Variants in VSTM2A observed in about 807,000 individuals in gnomAD.
VSTM2A encodes the protein V-set and transmembrane domain-containing protein 2A.
In VSTM2A, 13 loss-of-function variants were observed where a neutral mutation model predicts 27.3. That is an observed-to-expected ratio of 0.48 (90% CI 0.31 to 0.76). VSTM2A has a LOEUF of 0.76. Among genes scored for constraint, VSTM2A ranks in the 30% least tolerant of loss-of-function variants. VSTM2A has a pLI of 0.05. For missense variants in VSTM2A, 280 were observed against 310.0 expected, an observed-to-expected ratio of 0.90 and a Z score of 0.73; for synonymous variants, 142 against 125.7, an observed-to-expected ratio of 1.13 and a Z score of -0.87.
intron 4 of VSTM2A, among the ~76,000 whole-genome samples, chr7:54,556,225 G>A (rs754880085): frequency 6.6e-6 from 1 of 152,222 alleles, no homozygotes; most frequent in Non-Finnish European, 1.5e-5. Flanking sequence ...TGGCTGCAGT[G>A]AAGGTGGTAC....
Position 54,570,287 on chromosome 7 carries a change from G to A in VSTM2A, c.*1068G>A, listed in dbSNP as rs1017053447. 3.3e-5 allele frequency: 5 copies of A among 152,140 alleles called. No individual in the cohort carries two copies. Among genetic ancestry groups the A allele is most frequent in the Non-Finnish European group, 4.4e-5 (3 of 68,004 alleles). 9.4% of individuals were successfully genotyped at this position (152,140 alleles called of 1,614,324 possible). On this transcript the variant is annotated 3_prime_UTR_variant, in exon 5 of 5. Coordinates refer to ENST00000402613, the MANE Select transcript of VSTM2A (RefSeq NM_001301009.2). ...ATTATCATTATAATCTTGTCAAATA[G>A]AAATGTTGCTTCTAGAAAATTTGCC... is the stretch of plus-strand genomic sequence containing the variant.
chr7:54,557,049 G>C (rs1788384299), intron 4 of VSTM2A: 1 of 152,224 alleles, frequency 6.6e-6, no homozygotes, highest in Non-Finnish European at 1.5e-5. Context: ...GCTTCACTCT[G>C]TTGGTCACAA....
At chr7:54,555,424 A>G (rs1265744624) in intron 4 of VSTM2A, among the ~76,000 whole-genome samples, 3 of 152,136 alleles carry the variant, frequency 2.0e-5, no homozygotes, top group Admixed American at 6.5e-5. Flanking sequence ...GTTTTCAGAT[A>G]TTTTGTTACC....
In VSTM2A at chr7:54,570,869, A is replaced by G. The variant is rs752855644; in HGVS notation, c.*1650A>G. The G allele has an allele frequency of 9.2e-5, 14 of 152,288 alleles. No homozygotes were observed. The highest frequency in any genetic ancestry group is 5.8e-4 in the East Asian group (3 of 5,168). The allele number at this position is 152,288 out of a possible 1,614,324, so 9.4% of individuals were successfully genotyped here. A position where few individuals can be genotyped will look rare whatever the true frequency, so the allele number is the denominator to read the frequency against. On this transcript the variant is annotated 3_prime_UTR_variant, in exon 5 of 5. Transcript: ENST00000402613. The stretch of plus-strand genomic sequence containing the variant: ...TCCTATAACCCGAAGCTTGAAGGCA[A>G]TCAGTACCTCTGCTTTTCAAAGGTA...
chr7:54,546,745 C>G, intron 2 of VSTM2A: 1 of 556,228 alleles, frequency 1.8e-6, no homozygotes, highest in Admixed American at 3.8e-5. Flanking sequence ...GTGGGGTATG[C>G]CAGGGACAGC....
chr7:54,561,429 T>C (rs1179941084), intron 4 of VSTM2A, among the ~76,000 whole-genome samples: 1 of 152,164 alleles, frequency 6.6e-6, no homozygotes, highest in Non-Finnish European at 1.5e-5. Flanking sequence ...TCAGAAAAGA[T>C]TAAAAAACAG....
intron 4 of VSTM2A, chr7:54,559,892 A>G (rs1267671377): frequency 6.6e-6 from 1 of 152,188 alleles, no homozygotes; most frequent in Non-Finnish European, 1.5e-5. Flanking sequence ...GAAAAAATAT[A>G]TAGCATACAG....
chr7:54,555,281 G>A (rs1024883219), intron 4 of VSTM2A, among the ~76,000 whole-genome samples: 3 of 152,306 alleles, frequency 2.0e-5, no homozygotes, highest in East Asian at 1.9e-4. Flanking sequence ...TACAAGGGAC[G>A]TATCACAACA....
rs1395390860 is a variant in VSTM2A at position 54,544,642 on chromosome 7, C to A, written c.100C>A (p.Arg34=). Residue 34 remains arginine (R), a synonymous_variant, in exon 2 of 5, where the codon CGG becomes AGG. Coordinates refer to ENST00000402613, the MANE Select transcript of VSTM2A (RefSeq NM_001301009.2). ...TGCAGCAAAATTTACCGAGTTTCCGCGGAACGTGACGGCGACCGAGGGGCA... is the reference window on the plus strand; with the variant it reads ...TGCAGCAAAATTTACCGAGTTTCCGAGGAACGTGACGGCGACCGAGGGGCA... ...SSQAKFTEFP[R]NVTATEGQNV... 1.9e-6 allele frequency: 3 copies of A among 1,612,852 alleles called. No homozygotes were observed. Among genetic ancestry groups the A allele is most frequent in the Middle Eastern group, 1.6e-4 (1 of 6,084 alleles).
At chr7:54,566,213 T>G (rs771595859) in intron 4 of VSTM2A, among the ~76,000 whole-genome samples, 1 of 152,248 alleles carries the variant, frequency 6.6e-6, no homozygotes, top group Non-Finnish European at 1.5e-5. Flanking sequence ...AGGCCTCTCT[T>G]CATCTAGACC....
At chr7:54,556,255 G>A (rs1275951333) in intron 4 of VSTM2A, among the ~76,000 whole-genome samples, 1 of 152,174 alleles carries the variant, frequency 6.6e-6, no homozygotes, top group Non-Finnish European at 1.5e-5. Context: ...CGTGTGTGGA[G>A]TCTGTAGTAG....
chr7:54,544,481 G>A, intron 1 of VSTM2A, 141 bp from the exon 2 acceptor site: 5 of 1,014,648 alleles, frequency 4.9e-6, no homozygotes, highest in Non-Finnish European at 7.5e-6. Context: ...AAGGGGGCTG[G>A]GGGAACCAGA....
chr7:54,565,429 A>G (rs1250929302), intron 4 of VSTM2A, among the ~76,000 whole-genome samples: 3 of 152,258 alleles, frequency 2.0e-5, no homozygotes, highest in Admixed American at 2.0e-4. Context: ...ACTGTTCAGC[A>G]TGCCCACTGT....
At chr7:54,544,935 G>T in intron 2 of VSTM2A, 147 bp downstream of exon 2, 2 of 999,314 alleles carry the variant, frequency 2.0e-6, no homozygotes, top group Non-Finnish European at 2.8e-6. Flanking sequence ...GGGCTTCTAG[G>T]GAGGGAAAGG....
Position 54,560,018 on chromosome 7 carries a change from T to G in VSTM2A, c.635-9113T>G, listed in dbSNP as rs1022441933. 2.0e-5 allele frequency: 3 copies of G among 152,308 alleles called. No individual in the cohort carries two copies. In the South Asian group the frequency reaches 6.2e-4, roughly 32 times the overall value. 9.4% of individuals were successfully genotyped at this position (152,308 alleles called of 1,614,324 possible). A position where few individuals can be genotyped will look rare whatever the true frequency, so the allele number is the denominator to read the frequency against. ...TTTATTGTTTTGCTTGTTTATAACT[T>G]TTGTACAATGATAATGTATTACTTT... On this transcript the variant is annotated intron_variant, in intron 4 of 4. Coordinates refer to ENST00000402613, the MANE Select transcript of VSTM2A (RefSeq NM_001301009.2).
chr7:54,567,594 T>C (rs1011206980), intron 4 of VSTM2A, among the ~76,000 whole-genome samples: 1 of 152,194 alleles, frequency 6.6e-6, no homozygotes, highest in African/African-American at 2.4e-5. Context: ...GCAATGCCCA[T>C]GCTGAAAAGA....
Position 54,544,773 on chromosome 7 carries a change from G to A in VSTM2A, c.231G>A (p.Glu77=). ...CGGAGGACCTGGATCCCGGGGCCGAGGGGGCCGGCGCGCAGGTAGCGGAGC... is the reference window on the plus strand; with the variant it reads ...CGGAGGACCTGGATCCCGGGGCCGAAGGGGCCGGCGCGCAGGTAGCGGAGC... The part of the protein sequence containing the change: ...RGPEDLDPGA[E]GAGAQVELLP... The change falls in exon 2 of 5, where the codon GAG becomes GAA. Residue 77 remains glutamate, a synonymous_variant. Coordinates refer to ENST00000402613, the MANE Select transcript of VSTM2A (RefSeq NM_001301009.2). The A allele has an allele frequency of 6.2e-7, 1 of 1,608,408 alleles. No homozygotes were observed. Among genetic ancestry groups the A allele is most frequent in the Non-Finnish European group, 8.5e-7 (1 of 1,177,792 alleles).
chr7:54,556,319 C>T (rs1004791415), intron 4 of VSTM2A, among the ~76,000 whole-genome samples: 1 of 152,144 alleles, frequency 6.6e-6, no homozygotes, highest in African/African-American at 2.4e-5. Context: ...TGTGTGTTCA[C>T]CATGATGTGA....
At position 54,544,839 on chromosome 7, in the gene VSTM2A, G is replaced by T. The variant is rs565751436; in HGVS notation, c.246+51G>T. The stretch of plus-strand genomic sequence containing the variant: ...CTCCCCTTCGCTCGCCCGGTCCTCA[G>T]GGTGTCCGGCCCGGGGCTGGGGGCC... On this transcript the variant is annotated intron_variant, in intron 2 of 4. Transcript: ENST00000402613. 4 of 1,533,390 alleles carry T rather than the reference G, an allele frequency of 2.6e-6. No individual in the cohort carries two copies. The East Asian group carries it at 9.7e-5, about 37-fold the overall frequency. 95.0% of individuals were successfully genotyped at this position (1,533,390 alleles called of 1,614,324 possible). A position where few individuals can be genotyped will look rare whatever the true frequency, so the allele number is the denominator to read the frequency against.
Sources: allele counts gnomAD v4.1 joint callset (sites outside exome capture counted in the v4.1 genomes callset), GRCh38; gene constraint gnomAD v4.1.1; transcripts MANE v1.5; gene names NCBI Gene and HGNC (gene_info 2026-07-23, HGNC 2026-07-21).